Variants in EFNA5 observed in about 807,000 individuals in gnomAD.
The protein encoded by EFNA5 is ephrin-A5.
A neutral mutation model predicts 22.9 loss-of-function variants in EFNA5; 5 were observed. The observed-to-expected ratio is 0.22, with a 90% CI of 0.11 to 0.46. The LOEUF is 0.46. Among genes scored for constraint, EFNA5 ranks in the 20% least tolerant of loss-of-function variants. The pLI, the probability that EFNA5 is intolerant of heterozygous loss-of-function variation, is 0.99. For synonymous variants in EFNA5, 113 were observed against 112.2 expected, an observed-to-expected ratio of 1.01 and a Z score of -0.04; for missense variants, 237 against 293.3, an observed-to-expected ratio of 0.81 and a Z score of 1.40.
At chr5:107,469,394 AT>A (rs5870262) in intron 1 of EFNA5, among the ~76,000 whole-genome samples, 1 of 151,008 alleles carries the variant, frequency 6.6e-6, no homozygotes. Flanking sequence ...TCTTTCTTTT[AT>A]TTTTTTTTGC....
chr5:107,470,409 T>C (rs1449364893), intron 1 of EFNA5, among the ~76,000 whole-genome samples: 4 of 152,192 alleles, frequency 2.6e-5, no homozygotes, highest in African/African-American at 7.2e-5. Context: ...TCCAAGGAAA[T>C]GACTAATCTC....
intron 1 of EFNA5, among the ~76,000 whole-genome samples, chr5:107,643,411 TC>T (rs1483868953): frequency 6.6e-6 from 1 of 152,166 alleles, no homozygotes; most frequent in African/African-American, 2.4e-5. Context: ...AACCCATCCC[TC>T]TATTGATTGC....
At chr5:107,452,322 C>T (rs1320582823) in intron 1 of EFNA5, among the ~76,000 whole-genome samples, 2 of 151,988 alleles carry the variant, frequency 1.3e-5, no homozygotes, top group African/African-American at 4.8e-5. Context: ...GCACAAGTAT[C>T]CCGTTTTTTT....
chr5:107,446,034 G>A (rs961553017), intron 1 of EFNA5, among the ~76,000 whole-genome samples: 2 of 152,258 alleles, frequency 1.3e-5, no homozygotes, highest in South Asian at 2.1e-4. Context: ...GCCTATCTTC[G>A]AATCTGGGCT....
chr5:107,419,204 T>C (rs975655032), intron 2 of EFNA5, among the ~76,000 whole-genome samples: 1 of 152,228 alleles, frequency 6.6e-6, no homozygotes. Context: ...ATTAACAGAA[T>C]AATTTCCACA....
At chr5:107,533,256 G>A (rs184754671) in intron 1 of EFNA5, among the ~76,000 whole-genome samples, 4 of 152,140 alleles carry the variant, frequency 2.6e-5, no homozygotes, top group South Asian at 2.1e-4. Flanking sequence ...GATATGAAGC[G>A]GGGGGATCTT....
intron 1 of EFNA5, among the ~76,000 whole-genome samples, chr5:107,469,106 T>G (rs1750068543): frequency 6.6e-6 from 1 of 152,126 alleles, no homozygotes; most frequent in Admixed American, 6.6e-5. Context: ...GGCCCCTTGT[T>G]AAAACATTAT....
At chr5:107,481,517 G>C (rs1750459351) in intron 1 of EFNA5, among the ~76,000 whole-genome samples, 1 of 152,172 alleles carries the variant, frequency 6.6e-6, no homozygotes, top group Non-Finnish European at 1.5e-5. Flanking sequence ...GGTTGGCAGT[G>C]AGGATGTCCT....
intron 1 of EFNA5, among the ~76,000 whole-genome samples, chr5:107,554,718 A>T (rs1237250824): frequency 6.6e-6 from 1 of 152,154 alleles, no homozygotes; most frequent in Non-Finnish European, 1.5e-5. Flanking sequence ...ATACTGTGAG[A>T]TCAACTTCAC....
At chr5:107,586,629 T>A (rs958035692) in intron 1 of EFNA5, among the ~76,000 whole-genome samples, 6 of 152,172 alleles carry the variant, frequency 3.9e-5, no homozygotes, top group African/African-American at 1.4e-4. Context: ...ACATTTAAAA[T>A]CCAAGGAGTG....
rs76891731 is a variant in EFNA5 at position 107,624,271 on chromosome 5, A to G, written c.125+46218T>C. ...AGTTTAGCCTTCCGACCTGCATAAG[A>G]AACATCCTTCACACATTTTCTTTAA... On this transcript the variant is annotated intron_variant, in intron 1 of 4. Coordinates refer to ENST00000333274, the MANE Select transcript of EFNA5 (RefSeq NM_001962.3). 7.5e-3 allele frequency among the ~76,000 whole-genome samples: 1,136 copies of G among 152,274 alleles called. 17 individuals carry two copies. The highest frequency in any genetic ancestry group is 0.025 in the African/African-American group (1,052 of 41,574).
At chr5:107,601,370 C>G (rs1428045029) in intron 1 of EFNA5, among the ~76,000 whole-genome samples, 3 of 152,100 alleles carry the variant, frequency 2.0e-5, no homozygotes, top group Non-Finnish European at 2.9e-5. Flanking sequence ...TAGGGAAGCA[C>G]AGAGTAATTC....
intron 1 of EFNA5, among the ~76,000 whole-genome samples, chr5:107,605,239 T>G (rs182216422): frequency 1.3e-3 from 204 of 152,078 alleles, no homozygotes; most frequent in African/African-American, 4.7e-3. Flanking sequence ...ATGCCTCTTA[T>G]GGGTATTAGG....
At chr5:107,469,819 A>T (rs1269312013) in intron 1 of EFNA5, among the ~76,000 whole-genome samples, 8 of 152,288 alleles carry the variant, frequency 5.3e-5, no homozygotes, top group African/African-American at 1.9e-4. Context: ...CCAGAAAGAG[A>T]AGTCATCCCA....
At chr5:107,581,935 G>C (rs2005103) in intron 1 of EFNA5, among the ~76,000 whole-genome samples, 71,008 of 151,988 alleles carry the variant, frequency 0.47, 17,563 homozygotes, top group African/African-American at 0.58. Flanking sequence ...CAAATGCAAA[G>C]AAGTAAAAGA....
chr5:107,547,937 A>T (rs374770031), intron 1 of EFNA5, among the ~76,000 whole-genome samples: 2 of 152,246 alleles, frequency 1.3e-5, no homozygotes, highest in Non-Finnish European at 2.9e-5. Flanking sequence ...ATAGCATTCA[A>T]TTTCAGAGAA....
chr5:107,490,619 C>A (rs962990238), intron 1 of EFNA5, among the ~76,000 whole-genome samples: 1 of 152,148 alleles, frequency 6.6e-6, no homozygotes, highest in African/African-American at 2.4e-5. Flanking sequence ...CTACCACCTG[C>A]ACTGCAAAGT....
intron 1 of EFNA5, among the ~76,000 whole-genome samples, chr5:107,451,737 AG>A (rs1214678959): frequency 1.3e-5 from 2 of 152,192 alleles, no homozygotes; most frequent in African/African-American, 4.8e-5. Context: ...GGTACTGGAG[AG>A]GCTGTGGAGA....
At chr5:107,595,488 T>C (rs892946227) in intron 1 of EFNA5, among the ~76,000 whole-genome samples, 6 of 150,462 alleles carry the variant, frequency 4.0e-5, no homozygotes, top group South Asian at 2.1e-4. Flanking sequence ...CACATTTTTT[T>C]ACATTCATAA....
Sources: gnomAD v4.1 joint callset for allele counts (sites outside exome capture counted in the v4.1 genomes callset) on GRCh38, gnomAD v4.1.1 for gene constraint, MANE v1.5 for transcripts, NCBI Gene and HGNC (gene_info 2026-07-23, HGNC 2026-07-21) for gene names.